The following TTC7B variants were observed in gnomAD, a reference collection of about 807,000 sequenced individuals.
The protein encoded by TTC7B is tetratricopeptide repeat protein 7B.
TTC7B carries 28 observed loss-of-function variants against 106.8 expected under a neutral mutation model. That is an observed-to-expected ratio of 0.26 (90% CI 0.19 to 0.36). The LOEUF (loss-of-function observed/expected upper bound fraction) is 0.36. TTC7B is among the 10% of genes least tolerant of loss of function. The probability of loss-of-function intolerance (pLI) is 1.00; values close to 1 mark genes in which losing one functional copy is unlikely to be tolerated. For missense variants in TTC7B, 862 were observed against 1,076.4 expected, an observed-to-expected ratio of 0.80 and a Z score of 2.79; for synonymous variants, 405 against 430.6, an observed-to-expected ratio of 0.94 and a Z score of 0.74.
intron 17 of TTC7B, chr14:90,605,508 T>A (rs975428436): frequency 7.6e-6 from 8 of 1,047,576 alleles, no homozygotes; most frequent in South Asian, 2.1e-5. Context: ...TGATGAAGTT[T>A]CCTCTCCAGC....
intron 5 of TTC7B, among the ~76,000 whole-genome samples, chr14:90,719,117 A>C (rs1226267285): frequency 6.6e-6 from 1 of 152,000 alleles, no homozygotes; most frequent in Non-Finnish European, 1.5e-5. Context: ...AACAAACAAA[A>C]AAACAAAAAT....
At chr14:90,718,983 G>A (rs540702070) in intron 5 of TTC7B, among the ~76,000 whole-genome samples, 33 of 152,102 alleles carry the variant, frequency 2.2e-4, no homozygotes, top group Admixed American at 1.3e-3. Flanking sequence ...CAGGTTGGCC[G>A]GGCACAGTGG....
chr14:90,561,361 AT>A (rs112797111), intron 19 of TTC7B, among the ~76,000 whole-genome samples: 12,161 of 152,262 alleles, frequency 0.08, 517 homozygotes, highest in Middle Eastern at 0.11. Flanking sequence ...CATGTCCAAG[AT>A]TCCCTTCAGG....
At chr14:90,769,294 T>C (rs975609952) in intron 3 of TTC7B, among the ~76,000 whole-genome samples, 14 of 152,054 alleles carry the variant, frequency 9.2e-5, no homozygotes, top group African/African-American at 3.4e-4. Flanking sequence ...GTAGAAAATA[T>C]AGCAAATTAC....
At chr14:90,789,844 G>A (rs1246256206) in intron 1 of TTC7B, among the ~76,000 whole-genome samples, 3 of 151,526 alleles carry the variant, frequency 2.0e-5, no homozygotes, top group Non-Finnish European at 4.4e-5. Flanking sequence ...TGCAGTAAGC[G>A]GAGATCGCGC....
intron 9 of TTC7B, among the ~76,000 whole-genome samples, chr14:90,662,451 G>A (rs74081270): frequency 0.019 from 2,966 of 152,284 alleles, 83 homozygotes; most frequent in African/African-American, 0.068. Flanking sequence ...CCAAGGCCCC[G>A]AAGGTACGCC....
chr14:90,787,041 A>G (rs1348412235), intron 1 of TTC7B, among the ~76,000 whole-genome samples: 1 of 152,184 alleles, frequency 6.6e-6, no homozygotes, highest in Middle Eastern at 3.2e-3. Context: ...CTGGTGCTGT[A>G]TTCTATGCAG....
rs545723440 is a variant in TTC7B at position 90,708,007 on chromosome 14, G to A, written c.699-12429C>T. On this transcript the variant is annotated intron_variant, in intron 5 of 19. Transcript: ENST00000328459. The stretch of plus-strand genomic sequence containing the variant: ...TAAAAATACAAAAAATTAGCCAGGC[G>A]TGGTGATGGGTGCCTGTAATCCCAG... 5.9e-5 allele frequency among the ~76,000 whole-genome samples: 9 copies of A among 152,090 alleles called. 1 individual carries two copies. The highest frequency in any genetic ancestry group is 3.9e-4 in the East Asian group (2 of 5,174).
At chr14:90,740,494 C>CTTTTTTTT (rs71461924) in intron 4 of TTC7B, among the ~76,000 whole-genome samples, 10 of 78,336 alleles carry the variant, frequency 1.3e-4, no homozygotes, top group Non-Finnish European at 1.6e-4. Context: ...AATTCTTTGA[C>CTTTTTTTT]TTTTTTTTTT....
At chr14:90,671,760 C>A (rs900320315) in intron 9 of TTC7B, among the ~76,000 whole-genome samples, 4 of 152,188 alleles carry the variant, frequency 2.6e-5, no homozygotes, top group African/African-American at 9.7e-5. Context: ...TCTGTGTCTC[C>A]TTTGTACAAT....
At chr14:90,722,385 G>A (rs889228034) in intron 5 of TTC7B, among the ~76,000 whole-genome samples, 7 of 152,104 alleles carry the variant, frequency 4.6e-5, no homozygotes, top group African/African-American at 1.7e-4. Context: ...GGCTCTGGTG[G>A]CACTAGATTC....
At chr14:90,699,836 G>A (rs1363283430) in intron 5 of TTC7B, among the ~76,000 whole-genome samples, 1 of 152,182 alleles carries the variant, frequency 6.6e-6, no homozygotes, top group Non-Finnish European at 1.5e-5. Context: ...TTGAGCAGGG[G>A]ACACCGTCCC....
chr14:90,659,665 A>G (rs1002572437), intron 9 of TTC7B, among the ~76,000 whole-genome samples: 1 of 152,300 alleles, frequency 6.6e-6, no homozygotes, highest in East Asian at 1.9e-4. Flanking sequence ...AGCCACCACA[A>G]TCAATCAGGT....
chr14:90,619,201 T>G (rs1893210182), intron 15 of TTC7B, among the ~76,000 whole-genome samples: 1 of 152,198 alleles, frequency 6.6e-6, no homozygotes, highest in Non-Finnish European at 1.5e-5. Context: ...CAAAAATCAT[T>G]TTTGTTCTCA....
chr14:90,564,926 T>A (rs1399698461), intron 19 of TTC7B, among the ~76,000 whole-genome samples: 3 of 152,118 alleles, frequency 2.0e-5, no homozygotes, highest in African/African-American at 7.2e-5. Context: ...TAAATAAAAA[T>A]AAAAATCTGT....
chr14:90,724,514 G>T (rs538527658), intron 5 of TTC7B, among the ~76,000 whole-genome samples: 2 of 152,158 alleles, frequency 1.3e-5, no homozygotes, highest in Non-Finnish European at 2.9e-5. Flanking sequence ...TACTCCTCAT[G>T]ATAACGAGTG....
intron 15 of TTC7B, among the ~76,000 whole-genome samples, chr14:90,627,681 T>A (rs1884508844): frequency 6.6e-6 from 1 of 152,228 alleles, no homozygotes; most frequent in Admixed American, 6.5e-5. Flanking sequence ...TTAGAGCTCA[T>A]ATCAGTTACA....
At position 90,578,709 on chromosome 14, in the gene TTC7B, C is replaced by T. The variant is rs1038486776; in HGVS notation, c.2108-401G>A. Among the ~76,000 whole-genome samples, 40 of 151,924 alleles carry T rather than the reference C, an allele frequency of 2.6e-4. No homozygotes were observed. The highest frequency in any genetic ancestry group is 2.1e-4 in the South Asian group (1 of 4,820). Reference sequence around the variant, plus strand: ...AGAATGAACAAGGGCACAAGCAGACCAGAGGCACCCAGACCCTCAGAGGGC... The same window carrying T: ...AGAATGAACAAGGGCACAAGCAGACTAGAGGCACCCAGACCCTCAGAGGGC... On this transcript the variant is annotated intron_variant, in intron 18 of 19. Coordinates refer to ENST00000328459, the MANE Select transcript of TTC7B (RefSeq NM_001010854.2). The surrounding 1 kb of genome is among the most constrained non-coding windows in gnomAD (Gnocchi z 4.7).
chr14:90,591,293 A>T (rs1181201440), intron 18 of TTC7B, among the ~76,000 whole-genome samples: 1 of 152,224 alleles, frequency 6.6e-6, no homozygotes, highest in Non-Finnish European at 1.5e-5. Flanking sequence ...GTAAGCTGAG[A>T]TCACACCGTT....
Sources: gnomAD v4.1 joint callset for allele counts (sites outside exome capture counted in the v4.1 genomes callset) on GRCh38, gnomAD v4.1.1 for gene constraint, Gnocchi (gnomAD v3.1) non-coding constraint, MANE v1.5 for transcripts, NCBI Gene and HGNC (gene_info 2026-07-23, HGNC 2026-07-21) for gene names.